Variants in ARHGAP6 observed in about 807,000 individuals in gnomAD.
ARHGAP6 encodes Rho GTPase activating protein 6.
ARHGAP6 carries 16 observed loss-of-function variants against 55.7 expected under a neutral mutation model. The observed-to-expected ratio is 0.29, with a 90% CI of 0.19 to 0.44. ARHGAP6 has a LOEUF of 0.44. ARHGAP6 is among the 20% of genes least tolerant of loss of function. The pLI, the probability that ARHGAP6 is intolerant of heterozygous loss-of-function variation, is 1.00. For missense variants in ARHGAP6, 698 were observed against 808.9 expected (o/e 0.86, Z 1.66); for synonymous variants, 382 against 360.9 (o/e 1.06, Z -0.66).
At chrX:11,200,731 C>T (rs1488091919) in intron 2 of ARHGAP6, among the ~76,000 whole-genome samples, 1 of 112,514 alleles carries the variant, frequency 8.9e-6, no homozygotes, top group Non-Finnish European at 1.9e-5. Context: ...GACTTGTCAG[C>T]ACTGTCCAAA....
intron 1 of ARHGAP6, among the ~76,000 whole-genome samples, chrX:11,645,877 T>A (rs768304188): frequency 1.8e-5 from 2 of 111,994 alleles, no homozygotes; most frequent in Non-Finnish European, 3.8e-5. Flanking sequence ...AATTAAATGA[T>A]GTTGTTAATT....
At chrX:11,373,243 C>T (rs1300907975) in intron 1 of ARHGAP6, among the ~76,000 whole-genome samples, 2 of 109,773 alleles carry the variant, frequency 1.8e-5, no homozygotes, top group African/African-American at 6.6e-5. Flanking sequence ...GGTGAGACAA[C>T]AGACCGACAA....
intron 1 of ARHGAP6, among the ~76,000 whole-genome samples, chrX:11,257,979 A>G (rs1184228234): frequency 1.8e-5 from 2 of 111,143 alleles, no homozygotes; most frequent in Non-Finnish European, 3.8e-5. Flanking sequence ...AGGGAATTAC[A>G]AGGCTGGAAG....
intron 1 of ARHGAP6, among the ~76,000 whole-genome samples, chrX:11,431,791 A>G (rs1224998703): frequency 8.9e-6 from 1 of 112,301 alleles, no homozygotes; most frequent in African/African-American, 3.2e-5. Context: ...GAGGTCAAAA[A>G]TTAAAATATT....
At chrX:11,451,395 C>G (rs1044086079) in intron 1 of ARHGAP6, among the ~76,000 whole-genome samples, 1 of 112,137 alleles carries the variant, frequency 8.9e-6, no homozygotes. Context: ...GTGCAGCTTT[C>G]TGGTGCCATC....
chrX:11,279,090 G>A (rs916064330), intron 1 of ARHGAP6, among the ~76,000 whole-genome samples: 2 of 111,366 alleles, frequency 1.8e-5, no homozygotes, highest in African/African-American at 6.5e-5. Context: ...CAATAACAAA[G>A]GGATGCAGCC....
At chrX:11,325,739 C>A (rs1445742521) in intron 1 of ARHGAP6, among the ~76,000 whole-genome samples, 5 of 112,328 alleles carry the variant, frequency 4.5e-5, no homozygotes, top group Non-Finnish European at 9.4e-5. Context: ...AGTAGTTATG[C>A]TATTTTGCTA....
chrX:11,427,827 G>GGAGGAGGAA (rs2049902487), intron 1 of ARHGAP6: 2 of 535,957 alleles, frequency 3.7e-6, no homozygotes, highest in East Asian at 3.5e-4. Context: ...AGGAGGAGGA[G>GGAGGAGGAA]GAGGAGGAGG....
At chrX:11,169,061 G>C (rs1259054982) in intron 9 of ARHGAP6, 2 of 114,424 alleles carry the variant, frequency 1.7e-5, no homozygotes, top group East Asian at 5.5e-4. Flanking sequence ...GGACAGAGAA[G>C]TGGCATGGGA....
intron 1 of ARHGAP6, among the ~76,000 whole-genome samples, chrX:11,343,652 C>T (rs1294960305): frequency 9.0e-6 from 1 of 111,095 alleles, no homozygotes; most frequent in East Asian, 2.8e-4. Flanking sequence ...GTTTGAACCC[C>T]ACCCCGGACC....
rs749137464 is a variant in ARHGAP6 at position 11,178,955 on chromosome X, G to C, written c.1480+347C>G. Reference sequence around the variant, plus strand: ...TCCTTTCTCACTCTGGGTTCTCGTGGTTCCCTCCTTCTTCGTACCAGAAAC... The same window carrying C: ...TCCTTTCTCACTCTGGGTTCTCGTGCTTCCCTCCTTCTTCGTACCAGAAAC... On this transcript the variant is annotated intron_variant, in intron 7 of 12. Coordinates refer to ENST00000337414, the MANE Select transcript of ARHGAP6 (RefSeq NM_013427.3). Among the ~76,000 whole-genome samples the C allele has an allele frequency of 2.7e-5, 3 of 111,846 alleles. No homozygotes were observed. The East Asian group carries it at 8.4e-4, about 31-fold the overall frequency.
Position 11,245,077 on chromosome X carries a change from C to A in ARHGAP6, c.748+9471G>T, listed in dbSNP as rs757303088. Among the ~76,000 whole-genome samples the A allele has an allele frequency of 2.7e-5, 3 of 111,716 alleles. No homozygotes were observed. In the Admixed American group the frequency reaches 2.9e-4, roughly 11 times the overall value. ...TACAAAATAACCTGCAGGATAATGT[C>A]TTTGTCATTCTTGGCTTTTACCAGA... On this transcript the variant is annotated intron_variant, in intron 2 of 12. Coordinates refer to ENST00000337414, the MANE Select transcript of ARHGAP6 (RefSeq NM_013427.3).
intron 10 of ARHGAP6, among the ~76,000 whole-genome samples, chrX:11,149,201 T>C (rs753885700): frequency 1.8e-5 from 2 of 111,770 alleles, no homozygotes; most frequent in African/African-American, 3.3e-5. Context: ...TCAGACAGTG[T>C]TGTTTTCATT....
At chrX:11,409,514 G>A (rs950431613) in intron 1 of ARHGAP6, among the ~76,000 whole-genome samples, 1 of 112,299 alleles carries the variant, frequency 8.9e-6, no homozygotes, top group South Asian at 3.7e-4. Context: ...TGTGAAGGTG[G>A]AGCAGGACAT....
At chrX:11,527,178 T>C (rs1219317310) in intron 1 of ARHGAP6, among the ~76,000 whole-genome samples, 1 of 111,130 alleles carries the variant, frequency 9.0e-6, no homozygotes, top group Non-Finnish European at 1.9e-5. Flanking sequence ...CTGACTCAAG[T>C]AGCTGTTTGA....
intron 1 of ARHGAP6, among the ~76,000 whole-genome samples, chrX:11,362,961 AC>A (rs1022318288): frequency 4.5e-5 from 5 of 112,191 alleles, no homozygotes; most frequent in African/African-American, 1.6e-4. Flanking sequence ...TAAGAAAAAA[AC>A]TACACACATG....
intron 1 of ARHGAP6, among the ~76,000 whole-genome samples, chrX:11,591,676 G>A (rs950943538): frequency 3.6e-5 from 4 of 111,723 alleles, no homozygotes; most frequent in Middle Eastern, 4.2e-3. Context: ...GTATATTGGC[G>A]GTTGCCAGGG....
At chrX:11,409,044 G>A (rs971882421) in intron 1 of ARHGAP6, among the ~76,000 whole-genome samples, 2 of 110,063 alleles carry the variant, frequency 1.8e-5, no homozygotes, top group African/African-American at 3.3e-5. Flanking sequence ...CTTGACCACC[G>A]CACCCATCTC....
chrX:11,243,128 A>G (rs1250937712), intron 2 of ARHGAP6, among the ~76,000 whole-genome samples: 2 of 67,662 alleles, frequency 3.0e-5, no homozygotes, highest in African/African-American at 8.5e-5. Flanking sequence ...AGCAAATAAA[A>G]TAAGAATGGT....
Sources: gnomAD v4.1 joint callset for allele counts (sites outside exome capture counted in the v4.1 genomes callset) on GRCh38, gnomAD v4.1.1 for gene constraint, MANE v1.5 for transcripts, NCBI Gene and HGNC (gene_info 2026-07-23, HGNC 2026-07-21) for gene names.